CACNA1A: variants seen among roughly 807,000 people sequenced by gnomAD.
CACNA1A encodes the protein voltage-dependent P/Q-type calcium channel subunit alpha-1A.
A neutral mutation model predicts 262.4 loss-of-function variants in CACNA1A; 57 were observed. The observed-to-expected ratio is 0.22, with a 90% CI of 0.18 to 0.27. CACNA1A has a LOEUF of 0.27. Ranked by LOEUF, CACNA1A falls within the 10% of genes least tolerant of loss-of-function variation. The probability of loss-of-function intolerance (pLI) is 1.00; values close to 1 mark genes in which losing one functional copy is unlikely to be tolerated. For missense variants in CACNA1A, 2,526 were observed against 3,562.8 expected, an observed-to-expected ratio of 0.71 and a Z score of 7.41; for synonymous variants, 1,431 against 1,419.3, an observed-to-expected ratio of 1.01 and a Z score of -0.18.
chr19:13,328,921 C>T (rs575226593), intron 10 of CACNA1A, among the ~76,000 whole-genome samples: 11 of 132,170 alleles, frequency 8.3e-5, no homozygotes, highest in African/African-American at 3.0e-4. Flanking sequence ...TCCTTCTCTT[C>T]CTCCCTTCCT....
At chr19:13,331,674 T>TA (rs1276849825) in intron 9 of CACNA1A, among the ~76,000 whole-genome samples, 1 of 65,074 alleles carries the variant, frequency 1.5e-5, no homozygotes, top group Non-Finnish European at 3.6e-5. Flanking sequence ...CTCTAAATTC[T>TA]TTTTTTTTCT....
chr19:13,320,652 G>A (rs542996378), intron 10 of CACNA1A, among the ~76,000 whole-genome samples: 8 of 152,162 alleles, frequency 5.3e-5, no homozygotes, highest in Middle Eastern at 3.4e-3. Flanking sequence ...CACCTACTAA[G>A]TGCTGGACCC....
intron 1 of CACNA1A, among the ~76,000 whole-genome samples, chr19:13,469,458 C>CTTTTTTTTTTTTTTTTT (rs1568678224): frequency 7.5e-6 from 1 of 133,708 alleles, no homozygotes; most frequent in Non-Finnish European, 1.6e-5. Context: ...CTTGAACCAC[C>CTTTTTTTTTTTTTTTTT]TCTTTTTTTT....
chr19:13,380,767 T>G (rs1014380679), intron 3 of CACNA1A, among the ~76,000 whole-genome samples: 2 of 150,268 alleles, frequency 1.3e-5, no homozygotes. Context: ...ATTTATTTAT[T>G]TATTTATTTA....
chr19:13,332,843 C>A (rs772883351), intron 9 of CACNA1A, 26 bp downstream of exon 9: 23 of 1,565,394 alleles, frequency 1.5e-5, no homozygotes, highest in Non-Finnish European at 2.0e-5. Context: ...TGGGACCCAC[C>A]CCTGAGGTGG....
At chr19:13,300,394 A>G (rs911814276) in intron 18 of CACNA1A, among the ~76,000 whole-genome samples, 156 bp downstream of exon 18, 8 of 152,108 alleles carry the variant, frequency 5.3e-5, no homozygotes, top group African/African-American at 1.9e-4. Context: ...TGCTAACCAA[A>G]TATTTATTGA....
chr19:13,276,069 C>T lies in CACNA1A; in HGVS notation c.3883-113G>A, dbSNP rs921485137. ...GGCAGGGAAGCCAATGAGGCCACCTCATCTTGCAGGGATGGGCAGTGGCCA... is the reference window on the plus strand; with the variant it reads ...GGCAGGGAAGCCAATGAGGCCACCTTATCTTGCAGGGATGGGCAGTGGCCA... On this transcript the variant is annotated intron_variant, in intron 23 of 46. Coordinates refer to ENST00000360228, the MANE Select transcript of CACNA1A (RefSeq NM_001127222.2). The T allele has an allele frequency of 1.2e-4, 79 of 660,848 alleles. No homozygotes were observed. In the African/African-American group the frequency reaches 1.3e-3, roughly 11 times the overall value. The allele number at this position is 660,848 out of a possible 1,614,324, so 40.9% of individuals were successfully genotyped here.
chr19:13,432,103 C>CAAAAAAAAAAAAAAAA (rs71170513), intron 3 of CACNA1A, among the ~76,000 whole-genome samples: 1 of 64,412 alleles, frequency 1.6e-5, no homozygotes, highest in African/African-American at 6.2e-5. Flanking sequence ...GACTCCGTCT[C>CAAAAAAAAAAAAAAAA]AAAAAAAAAA....
At chr19:13,295,756 A>G (rs2057653588) in intron 19 of CACNA1A, among the ~76,000 whole-genome samples, 1 of 152,088 alleles carries the variant, frequency 6.6e-6, no homozygotes, top group African/African-American at 2.4e-5. Flanking sequence ...CAGCCTCCCA[A>G]TGCACTGGGA....
intron 3 of CACNA1A, among the ~76,000 whole-genome samples, chr19:13,386,346 G>C (rs758497101): frequency 3.3e-5 from 5 of 152,144 alleles, no homozygotes; most frequent in Admixed American, 1.3e-4. Flanking sequence ...AACAGGATCT[G>C]GGTGAAAAAT....
At chr19:13,369,024 C>T (rs1023422662) in intron 4 of CACNA1A, among the ~76,000 whole-genome samples, 5 of 103,760 alleles carry the variant, frequency 4.8e-5, no homozygotes, top group Admixed American at 1.3e-4. Context: ...GGCGACAGAG[C>T]GAGACTCCGT....
At position 13,398,261 on chromosome 19, in the gene CACNA1A, G is replaced by A. The variant is rs148546544; in HGVS notation, c.540-26482C>T. On this transcript the variant is annotated intron_variant, in intron 3 of 46. Transcript: ENST00000360228. ...TGGAGGATAAGAGCAAAACTCCGTCGCAAAAGAAAAAAAAAAAAAGAATAC... is the reference window on the plus strand; with the variant it reads ...TGGAGGATAAGAGCAAAACTCCGTCACAAAAGAAAAAAAAAAAAAGAATAC... 9.3e-4 allele frequency among the ~76,000 whole-genome samples: 138 copies of A among 148,400 alleles called. No homozygotes were observed. In the East Asian group the frequency reaches 0.02, roughly 21 times the overall value.
intron 3 of CACNA1A, among the ~76,000 whole-genome samples, chr19:13,422,664 C>A (rs1004248617): frequency 6.6e-6 from 1 of 152,176 alleles, no homozygotes; most frequent in African/African-American, 2.4e-5. Context: ...GGCCCTGGGA[C>A]ACACGGTATC....
chr19:13,289,817 T>C (rs987422416), intron 19 of CACNA1A, among the ~76,000 whole-genome samples: 1 of 152,046 alleles, frequency 6.6e-6, no homozygotes, highest in Non-Finnish European at 1.5e-5. Flanking sequence ...CCTTTTGCAA[T>C]GGGAACGTCT....
intron 37 of CACNA1A, chr19:13,225,016 A>C (rs2055383983): frequency 4.7e-6 from 2 of 425,736 alleles, no homozygotes; most frequent in Non-Finnish European, 8.5e-6. Flanking sequence ...CACCTGCTTG[A>C]CCTGAGAGCT....
intron 28 of CACNA1A, 37 bp from the exon 29 acceptor site, chr19:13,255,296 C>T (rs1430159161): frequency 1.3e-6 from 2 of 1,540,766 alleles, no homozygotes; most frequent in Admixed American, 3.7e-5. Flanking sequence ...GCGGCAGAGG[C>T]AGGAGGAAGG....
chr19:13,218,318 T>C (rs2055095858), intron 38 of CACNA1A, among the ~76,000 whole-genome samples: 1 of 152,158 alleles, frequency 6.6e-6, no homozygotes, highest in Admixed American at 6.6e-5. Flanking sequence ...CCACGTGGTA[T>C]CAGTTTGACC....
In CACNA1A at chr19:13,212,594, C is replaced by T; in HGVS notation, c.6050+37G>A. 1 of 1,508,556 alleles carries T rather than the reference C, an allele frequency of 6.6e-7. No individual in the cohort carries two copies. Among genetic ancestry groups the T allele is most frequent in the South Asian group, 1.3e-5 (1 of 76,310 alleles). 93.4% of individuals were successfully genotyped at this position (1,508,556 alleles called of 1,614,324 possible). A position where few individuals can be genotyped will look rare whatever the true frequency, so the allele number is the denominator to read the frequency against. On this transcript the variant is annotated intron_variant, in intron 41 of 46. Transcript: ENST00000360228. The surrounding 1 kb of genome is among the most constrained non-coding windows in gnomAD (Gnocchi z 5.6). ...TTCCAGAACGTGGGGACCACGGCAC[C>T]CCCACACTCCACCTCCCTGGCAGGG...
rs2054583806 is a variant in CACNA1A at position 13,206,849 on chromosome 19, C to G, written c.*464G>C. The G allele has an allele frequency of 6.5e-6, 1 of 153,974 alleles. No individual in the cohort carries two copies. Among genetic ancestry groups the G allele is most frequent in the Non-Finnish European group, 1.5e-5 (1 of 68,664 alleles). 9.5% of individuals were successfully genotyped at this position (153,974 alleles called of 1,614,324 possible). Reference sequence around the variant, plus strand: ...TGGCTTCTTTGCCGCACTCGGCCACCAGCTGTCTTCATCAGGGAAAGGAAA... The same window carrying G: ...TGGCTTCTTTGCCGCACTCGGCCACGAGCTGTCTTCATCAGGGAAAGGAAA... On this transcript the variant is annotated 3_prime_UTR_variant, in exon 47 of 47. Coordinates refer to ENST00000360228, the MANE Select transcript of CACNA1A (RefSeq NM_001127222.2).
Sources: gnomAD v4.1 joint callset for allele counts (sites outside exome capture counted in the v4.1 genomes callset) on GRCh38, gnomAD v4.1.1 for gene constraint, Gnocchi (gnomAD v3.1) non-coding constraint, MANE v1.5 for transcripts, NCBI Gene and HGNC (gene_info 2026-07-23, HGNC 2026-07-21) for gene names.